DLGAP1: variants seen among roughly 807,000 people sequenced by gnomAD.
DLGAP1 encodes disks large-associated protein 1.
A neutral mutation model predicts 90.8 loss-of-function variants in DLGAP1; 11 were observed. That is an observed-to-expected ratio of 0.12 (90% CI 0.08 to 0.20). The LOEUF (loss-of-function observed/expected upper bound fraction) is 0.20, where lower values mean the gene tolerates loss of function less well. Among genes scored for constraint, DLGAP1 ranks in the 10% least tolerant of loss-of-function variants. The pLI, the probability that DLGAP1 is intolerant of heterozygous loss-of-function variation, is 1.00. For missense variants in DLGAP1, 1,050 were observed against 1,333.8 expected (o/e 0.79, Z 3.31); for synonymous variants, 558 against 540.7 (o/e 1.03, Z -0.44).
intron 4 of DLGAP1, among the ~76,000 whole-genome samples, chr18:3,825,466 C>G (rs894244238): frequency 6.6e-6 from 1 of 152,216 alleles, no homozygotes; most frequent in African/African-American, 2.4e-5. Context: ...ATCATCTCTA[C>G]ATTCCTTGTA....
intron 1 of DLGAP1, among the ~76,000 whole-genome samples, chr18:4,305,065 TAA>T (rs2080216220): frequency 6.6e-6 from 1 of 152,180 alleles, no homozygotes; most frequent in African/African-American, 2.4e-5. Flanking sequence ...ATTCATGGAA[TAA>T]ATTAAAACAA....
intron 6 of DLGAP1, among the ~76,000 whole-genome samples, chr18:3,735,224 C>T (rs1042146024): frequency 1.3e-5 from 2 of 151,794 alleles, no homozygotes; most frequent in Non-Finnish European, 2.9e-5. Flanking sequence ...TGTCAAAATG[C>T]GTATTTTTTT....
At chr18:4,286,881 G>A (rs1182299038) in intron 1 of DLGAP1, among the ~76,000 whole-genome samples, 1 of 152,138 alleles carries the variant, frequency 6.6e-6, no homozygotes, top group Non-Finnish European at 1.5e-5. Context: ...AGTGGCCAGG[G>A]AAAGAGAGGA....
intron 3 of DLGAP1, among the ~76,000 whole-genome samples, chr18:3,916,899 G>C (rs2072156918): frequency 6.6e-6 from 1 of 152,208 alleles, no homozygotes; most frequent in South Asian, 2.1e-4. Context: ...GACAGTTCCT[G>C]ATTTATGATG....
chr18:4,147,431 T>A (rs2076602776), intron 2 of DLGAP1, among the ~76,000 whole-genome samples: 1 of 152,148 alleles, frequency 6.6e-6, no homozygotes, highest in Non-Finnish European at 1.5e-5. Flanking sequence ...TCTTATATAT[T>A]GAGTATGGGC....
chr18:4,061,449 T>G (rs1364031007), intron 2 of DLGAP1, among the ~76,000 whole-genome samples: 1 of 152,222 alleles, frequency 6.6e-6, no homozygotes, highest in Admixed American at 6.5e-5. Flanking sequence ...ACCCATAAAT[T>G]GAACATTGGA....
chr18:3,755,767 G>A (rs1422147349), intron 5 of DLGAP1, among the ~76,000 whole-genome samples: 1 of 152,102 alleles, frequency 6.6e-6, no homozygotes, highest in Non-Finnish European at 1.5e-5. Flanking sequence ...AACACAATTA[G>A]AAATCAACAA....
At chr18:4,059,204 T>A (rs59096295) in intron 2 of DLGAP1, among the ~76,000 whole-genome samples, 1 of 152,174 alleles carries the variant, frequency 6.6e-6, no homozygotes, top group African/African-American at 2.4e-5. Context: ...TCCAGAATCC[T>A]AAAGATGAAT....
At chr18:4,079,863 G>C (rs2075579865) in intron 2 of DLGAP1, among the ~76,000 whole-genome samples, 1 of 152,046 alleles carries the variant, frequency 6.6e-6, no homozygotes, top group Non-Finnish European at 1.5e-5. Flanking sequence ...AGTAGCAATA[G>C]ACTTGCCTTG....
intron 9 of DLGAP1, among the ~76,000 whole-genome samples, chr18:3,561,501 A>T (rs1465707379): frequency 3.4e-5 from 5 of 148,692 alleles, no homozygotes; most frequent in African/African-American, 1.3e-4. Context: ...GACCTATGTC[A>T]TTTTCCTTCT....
intron 5 of DLGAP1, among the ~76,000 whole-genome samples, chr18:3,755,831 A>G (rs1172349258): frequency 1.3e-5 from 2 of 152,244 alleles, no homozygotes; most frequent in East Asian, 3.8e-4. Context: ...ACGGATACCT[A>G]TAGAACACTC....
intron 1 of DLGAP1, among the ~76,000 whole-genome samples, chr18:4,203,639 A>G (rs1301551685): frequency 6.6e-6 from 1 of 152,162 alleles, no homozygotes; most frequent in Non-Finnish European, 1.5e-5. Context: ...CCAGAAAACA[A>G]CCACTCTTTC....
At chr18:4,112,726 C>A (rs2075995966) in intron 2 of DLGAP1, among the ~76,000 whole-genome samples, 1 of 151,902 alleles carries the variant, frequency 6.6e-6, no homozygotes, top group Non-Finnish European at 1.5e-5. Context: ...AGCATGGTAC[C>A]CAATAGTTAC....
intron 1 of DLGAP1, among the ~76,000 whole-genome samples, chr18:4,296,889 G>A (rs79125959): frequency 0.023 from 3,520 of 152,216 alleles, 47 homozygotes; most frequent in Non-Finnish European, 0.036. Flanking sequence ...TTCTGAGCAG[G>A]CAATGGATGG....
At chr18:3,524,315 T>C (rs916909139) in intron 10 of DLGAP1, among the ~76,000 whole-genome samples, 28 of 152,006 alleles carry the variant, frequency 1.8e-4, no homozygotes, top group African/African-American at 4.3e-4. Flanking sequence ...GGTATATATA[T>C]ACCACATATA....
intron 5 of DLGAP1, among the ~76,000 whole-genome samples, chr18:3,804,756 C>G (rs1480768372): frequency 6.6e-6 from 1 of 152,214 alleles, no homozygotes; most frequent in African/African-American, 2.4e-5. Context: ...TGTAATGATG[C>G]GTTAGCATTT....
At chr18:4,152,513 G>C (rs2076691753) in intron 1 of DLGAP1, among the ~76,000 whole-genome samples, 1 of 152,170 alleles carries the variant, frequency 6.6e-6, no homozygotes, top group South Asian at 2.1e-4. Flanking sequence ...AGTCTCTTTA[G>C]AAACTCACAT....
rs111396869 is a variant in DLGAP1, at chr18:3,859,485, T to G, written c.957+19627A>C. Among the ~76,000 whole-genome samples, 363 of 152,310 alleles carry G rather than the reference T, an allele frequency of 2.4e-3. 4 individuals are homozygous for G. The highest frequency in any genetic ancestry group is 7.8e-3 in the African/African-American group (326 of 41,564). ...TATATAGCAGAAGGGACTTCACAGA[T>G]GTGAGTAATTTACTGGTCTTGAGAT... is the stretch of plus-strand genomic sequence containing the variant. On this transcript the variant is annotated intron_variant, in intron 4 of 12. Coordinates refer to ENST00000315677, the MANE Select transcript of DLGAP1 (RefSeq NM_004746.4).
chr18:3,814,340 T>C (rs1299913105), intron 4 of DLGAP1, 67 bp from the exon 5 acceptor site: 52 of 1,448,442 alleles, frequency 3.6e-5, no homozygotes, highest in Non-Finnish European at 4.9e-5. Context: ...CTTTTTCTTT[T>C]TTTTTAGATT....
Sources: allele counts gnomAD v4.1 joint callset (sites outside exome capture counted in the v4.1 genomes callset), GRCh38; gene constraint gnomAD v4.1.1; transcripts MANE v1.5; gene names NCBI Gene and HGNC (gene_info 2026-07-23, HGNC 2026-07-21).